Variants in GLT1D1 observed in about 807,000 individuals in gnomAD.
The protein encoded by GLT1D1 is glycosyltransferase 1 domain containing 1, also known as glycosyltransferase 1 domain-containing protein 1.
GLT1D1 carries 21 observed loss-of-function variants against 28.7 expected under a neutral mutation model. The observed-to-expected ratio is 0.73, with a 90% CI of 0.52 to 1.05. The LOEUF (loss-of-function observed/expected upper bound fraction) is 1.05, where lower values mean the gene tolerates loss of function less well. GLT1D1 is among the 50% of genes least tolerant of loss of function. GLT1D1 has a pLI of 0.00. For missense variants in GLT1D1, 343 were observed against 330.6 expected (o/e 1.04, Z -0.29); for synonymous variants, 147 against 124.8 (o/e 1.18, Z -1.19).
intron 7 of GLT1D1, among the ~76,000 whole-genome samples, chr12:128,977,103 G>A (rs1200364445): frequency 6.6e-6 from 1 of 152,284 alleles, no homozygotes; most frequent in East Asian, 1.9e-4. Flanking sequence ...CCGAGATCGC[G>A]CCGCTGCACT....
At chr12:128,862,586 A>T (rs1255343178) in intron 1 of GLT1D1, among the ~76,000 whole-genome samples, 10 of 152,190 alleles carry the variant, frequency 6.6e-5, no homozygotes, top group African/African-American at 2.4e-4. Flanking sequence ...TGAGGCTGTG[A>T]TGAGCCATGA....
intron 1 of GLT1D1, among the ~76,000 whole-genome samples, chr12:128,869,896 G>T (rs1956639413): frequency 1.3e-5 from 2 of 150,646 alleles, no homozygotes; most frequent in Middle Eastern, 3.5e-3. Flanking sequence ...TTAGGTGATT[G>T]AATTTTTGCA....
At chr12:128,893,817 C>T (rs1274609886) in intron 3 of GLT1D1, among the ~76,000 whole-genome samples, 1 of 152,054 alleles carries the variant, frequency 6.6e-6, no homozygotes, top group African/African-American at 2.4e-5. Context: ...AACTCCTGAC[C>T]ACAGTGATCC....
intron 6 of GLT1D1, among the ~76,000 whole-genome samples, chr12:128,948,522 G>T (rs565640520): frequency 6.6e-6 from 1 of 152,126 alleles, no homozygotes; most frequent in African/African-American, 2.4e-5. Flanking sequence ...TGATGGGCAC[G>T]TGATAAAGCC....
At chr12:128,945,203 C>T (rs1450310587) in intron 4 of GLT1D1, 123 bp from the exon 9 acceptor site, 9 of 963,236 alleles carry the variant, frequency 9.3e-6, no homozygotes, top group Admixed American at 3.8e-5. Context: ...GAGGACACCC[C>T]CGTGGCCGCA....
At chr12:128,897,775 C>T (rs973833411) in intron 3 of GLT1D1, among the ~76,000 whole-genome samples, 11 of 152,028 alleles carry the variant, frequency 7.2e-5, no homozygotes, top group East Asian at 1.9e-4. Flanking sequence ...TTCACACCAT[C>T]CTCCTGCCTC....
chr12:128,854,394 C>CGTGTGTGTGTGTGTGTGT (rs56655033), intron 1 of GLT1D1, among the ~76,000 whole-genome samples: 1 of 143,872 alleles, frequency 7.0e-6, no homozygotes, highest in African/African-American at 2.6e-5. Flanking sequence ...TAACAGAAGC[C>CGTGTGTGTGTGTGTGTGT]GTGTGTGTGT....
chr12:128,874,431 C>G (rs1317670989), intron 1 of GLT1D1, among the ~76,000 whole-genome samples: 1 of 150,816 alleles, frequency 6.6e-6, no homozygotes, highest in Non-Finnish European at 1.5e-5. Context: ...ATCTGCCTGC[C>G]TCAGCCTCCC....
chr12:128,907,580 C>T (rs1376217780), intron 4 of GLT1D1, among the ~76,000 whole-genome samples: 3 of 152,194 alleles, frequency 2.0e-5, no homozygotes, highest in African/African-American at 7.2e-5. Flanking sequence ...GCTGGGATTA[C>T]AGGCGTAAGC....
At position 128,888,722 on chromosome 12, in the gene GLT1D1, G is replaced by T; in HGVS notation, c.301G>T (p.Gly101Cys). The T allele has an allele frequency of 6.2e-7, 1 of 1,611,896 alleles. No homozygotes were observed. Among genetic ancestry groups the T allele is most frequent in the Non-Finnish European group, 8.5e-7 (1 of 1,178,096 alleles). The change falls in exon 3 of 8, where the codon GGC (glycine) becomes TGC (cysteine). Residue 101 changes from glycine (G) to cysteine (C), a missense_variant. Physicochemically the swap from Gly to Cys is radical, Grantham distance 159. Transcript: ENST00000281703. ...CCAGGCGGAAAAAAACACAGTCATG[G>T]GCAGAGTTCTTGAGGAAGCCAGGTA...
intron 7 of GLT1D1, among the ~76,000 whole-genome samples, chr12:128,978,936 C>T (rs1017985863): frequency 2.0e-5 from 3 of 152,140 alleles, no homozygotes; most frequent in East Asian, 1.9e-4. Flanking sequence ...TCATGCTCAT[C>T]GTCCTCTTGG....
intron 7 of GLT1D1, among the ~76,000 whole-genome samples, chr12:128,962,729 T>A (rs1407817406): frequency 6.6e-6 from 1 of 152,044 alleles, no homozygotes; most frequent in African/African-American, 2.4e-5. Flanking sequence ...TGAGATTGAG[T>A]CTCCCTCTGT....
At chr12:128,916,550 G>C (rs1384328613) in intron 4 of GLT1D1, among the ~76,000 whole-genome samples, 1 of 152,144 alleles carries the variant, frequency 6.6e-6, no homozygotes, top group Non-Finnish European at 1.5e-5. Context: ...AGTTGTTCTA[G>C]GGAGATAATG....
chr12:128,906,383 G>GA (rs962182512), intron 4 of GLT1D1, among the ~76,000 whole-genome samples: 32 of 151,928 alleles, frequency 2.1e-4, no homozygotes, highest in Non-Finnish European at 5.9e-5. Flanking sequence ...TCACCAAGAA[G>GA]AAAAAAACAC....
rs1490282406 is a variant in GLT1D1, at chr12:128,907,005, G to A, written c.375+7718G>A. 3 of 700,846 alleles carry A rather than the reference G, an allele frequency of 4.3e-6. No homozygotes were observed. The Admixed American group carries it at 6.0e-5, about 14-fold the overall frequency. The allele number at this position is 700,846 out of a possible 1,614,324, so 43.4% of individuals were successfully genotyped here. The stretch of plus-strand genomic sequence containing the variant: ...GTTAGCGCTGGCCTAATCGGAATGA[G>A]CTGCGTGTCTCCTTATCCCTAAAGT... On this transcript the variant is annotated intron_variant, in intron 4 of 7. Transcript: ENST00000281703.
chr12:128,871,850 G>A (rs116018039), intron 1 of GLT1D1, among the ~76,000 whole-genome samples: 4,114 of 151,884 alleles, frequency 0.027, 180 homozygotes, highest in African/African-American at 0.093. Context: ...AATTACAAAA[G>A]AAAAAAGGGC....
intron 4 of GLT1D1, among the ~76,000 whole-genome samples, chr12:128,922,794 G>C (rs1347923193): frequency 6.6e-6 from 1 of 151,974 alleles, no homozygotes; most frequent in African/African-American, 2.4e-5. Flanking sequence ...ATGATGGCCT[G>C]TGCCTGTAGT....
At chr12:128,918,279 G>A (rs1415868602) in intron 4 of GLT1D1, among the ~76,000 whole-genome samples, 1 of 152,166 alleles carries the variant, frequency 6.6e-6, no homozygotes, top group African/African-American at 2.4e-5. Flanking sequence ...TGGACACAGG[G>A]AGGGGAATAA....
At chr12:128,888,536 C>T (rs1478319851) in intron 2 of GLT1D1, 103 bp from the exon 3 acceptor site, 9 of 717,558 alleles carry the variant, frequency 1.3e-5, no homozygotes, top group South Asian at 3.5e-5. Context: ...CAAACAGCTC[C>T]GGCGATCTGG....
Sources: allele counts gnomAD v4.1 joint callset (sites outside exome capture counted in the v4.1 genomes callset), GRCh38; gene constraint gnomAD v4.1.1; transcripts MANE v1.5; gene names NCBI Gene and HGNC (gene_info 2026-07-23, HGNC 2026-07-21).